PCSK5: variants seen among roughly 807,000 people sequenced by gnomAD.
PCSK5 encodes the protein proprotein convertase subtilisin/kexin type 5.
A neutral mutation model predicts 233.2 loss-of-function variants in PCSK5; 129 were observed. That is an observed-to-expected ratio of 0.55 (90% confidence interval 0.48 to 0.64). The LOEUF (loss-of-function observed/expected upper bound fraction) is 0.64, where lower values mean the gene tolerates loss of function less well. Ranked by LOEUF, PCSK5 falls within the 30% of genes least tolerant of loss-of-function variation. The probability of loss-of-function intolerance (pLI) is 0.00; values close to 1 mark genes in which losing one functional copy is unlikely to be tolerated. For missense variants in PCSK5, 2,076 were observed against 2,430.1 expected (o/e 0.85, Z 3.06); for synonymous variants, 825 against 879.2 (o/e 0.94, Z 1.09).
chr9:76,354,089 A>AG lies in PCSK5; in HGVS notation c.5128dup (p.Ala1710GlyfsTer28). The AG allele has an allele frequency of 6.2e-7, 1 of 1,609,148 alleles. No individual in the cohort carries two copies. Among genetic ancestry groups the AG allele is most frequent in the East Asian group, 2.2e-5 (1 of 44,778 alleles). Reference sequence around the variant, plus strand: ...AGAGCTGCATGGAATGCAAGGGACCAGGGGCCAAGAACTGCACCTTGTGCC... The same window carrying AG: ...AGAGCTGCATGGAATGCAAGGGACCAGGGGGCCAAGAACTGCACCTTGTGCC... On this transcript the variant is annotated frameshift_variant, in exon 37 of 38. Coordinates refer to ENST00000674117, the MANE Select transcript of PCSK5 (RefSeq NM_001372043.1). LOFTEE classifies it high-confidence loss of function.
chr9:76,359,053 AC>A lies in PCSK5; in HGVS notation c.*133del. On this transcript the variant is annotated 3_prime_UTR_variant, in exon 38 of 38. Coordinates refer to ENST00000674117, the MANE Select transcript of PCSK5 (RefSeq NM_001372043.1). ...TTTGTCTTCTTTAACCATGAGTCCA[AC>A]CAGAATATGTAAGAATGATGAAATA... 1 of 673,940 alleles carries A rather than the reference AC, an allele frequency of 1.5e-6. No individual in the cohort carries two copies. Among genetic ancestry groups the A allele is most frequent in the Non-Finnish European group, 2.5e-6 (1 of 396,456 alleles). The allele number at this position is 673,940 out of a possible 1,614,324, so 41.7% of individuals were successfully genotyped here.
intron 7 of PCSK5, among the ~76,000 whole-genome samples, chr9:76,074,418 G>C (rs1484262406): frequency 1.3e-5 from 2 of 152,146 alleles, no homozygotes; most frequent in East Asian, 3.8e-4. Context: ...AGTAACAAAA[G>C]AAATAACTAT....
chr9:76,351,540 A>AAG lies in PCSK5; in HGVS notation c.5067+612_5067+613insAG, dbSNP rs1564197014. ...AGAAAGAAAGAAAGAAAGGAAGGAA[A>AAG]GAAAGAGAAAGAAGAGAGAGAGAGA... On this transcript the variant is annotated intron_variant, in intron 36 of 37. Transcript: ENST00000674117. Among the ~76,000 whole-genome samples the AAG allele has an allele frequency of 1.0e-4, 10 of 96,740 alleles. 1 individual carries two copies. Among genetic ancestry groups the AAG allele is most frequent in the Non-Finnish European group, 1.4e-4 (6 of 42,860 alleles). 63.5% of individuals were successfully genotyped at this position (96,740 alleles called of 152,430 possible).
chr9:76,007,258 G>A (rs571759128), intron 3 of PCSK5, among the ~76,000 whole-genome samples: 11 of 152,186 alleles, frequency 7.2e-5, no homozygotes, highest in African/African-American at 2.6e-4. Flanking sequence ...TTCTATTTCA[G>A]TGTGTTTCAC....
In PCSK5 at chr9:76,174,275, T is replaced by C. The variant is rs1030191029; in HGVS notation, c.1757-711T>C. Among the ~76,000 whole-genome samples the C allele has an allele frequency of 9.9e-5, 15 of 152,248 alleles. No individual in the cohort carries two copies. The East Asian group carries it at 2.5e-3, about 25-fold the overall frequency. On this transcript the variant is annotated intron_variant, in intron 13 of 37. Coordinates refer to ENST00000674117, the MANE Select transcript of PCSK5 (RefSeq NM_001372043.1). ...AGGGAGAACAAAGAGTTGTTCTGTC[T>C]ACTTATTAACAAGTCAGATAATGCC...
intron 9 of PCSK5, among the ~76,000 whole-genome samples, chr9:76,109,844 A>G (rs1252450224): frequency 1.3e-5 from 2 of 152,224 alleles, no homozygotes; most frequent in Non-Finnish European, 2.9e-5. Context: ...ACGTGTGAGT[A>G]CTAAAAGGGT....
intron 20 of PCSK5, among the ~76,000 whole-genome samples, chr9:76,222,830 G>A (rs921239918): frequency 2.6e-5 from 4 of 151,750 alleles, no homozygotes; most frequent in Non-Finnish European, 5.9e-5. Flanking sequence ...TGAAAGTGTT[G>A]CTGAGTATTT....
chr9:76,027,883 A>C (rs543965813), intron 5 of PCSK5, among the ~76,000 whole-genome samples: 6 of 152,304 alleles, frequency 3.9e-5, no homozygotes, highest in African/African-American at 1.4e-4. Flanking sequence ...CATAACATGC[A>C]CTGAAGTTGC....
intron 10 of PCSK5, among the ~76,000 whole-genome samples, chr9:76,146,396 G>A (rs1410337539): frequency 6.6e-6 from 1 of 151,936 alleles, no homozygotes; most frequent in Non-Finnish European, 1.5e-5. Context: ...CACACTCACA[G>A]AAAATCCCTG....
At chr9:76,073,859 C>T (rs1055018274) in intron 7 of PCSK5, among the ~76,000 whole-genome samples, 9 of 152,016 alleles carry the variant, frequency 5.9e-5, no homozygotes, top group African/African-American at 2.2e-4. Context: ...CAGTGGAAAT[C>T]TTAACTGGAA....
intron 1 of PCSK5, among the ~76,000 whole-genome samples, chr9:75,919,675 A>G (rs1373480074): frequency 1.3e-5 from 2 of 152,334 alleles, no homozygotes; most frequent in East Asian, 1.9e-4. Context: ...CAACAAGCCA[A>G]TAGCTGCCAA....
At chr9:76,203,551 G>A (rs1311411533) in intron 20 of PCSK5, among the ~76,000 whole-genome samples, 10 of 151,814 alleles carry the variant, frequency 6.6e-5, no homozygotes, top group African/African-American at 9.7e-5. Flanking sequence ...GCCCACAGCC[G>A]AGGAACTTGC....
At chr9:75,948,351 C>G (rs944793941) in intron 2 of PCSK5, among the ~76,000 whole-genome samples, 1 of 141,870 alleles carries the variant, frequency 7.0e-6, no homozygotes, top group Non-Finnish European at 1.5e-5. Context: ...TGATGTTCCC[C>G]GCTCTGTGTC....
chr9:76,308,661 C>A lies in PCSK5; in HGVS notation c.3621C>A (p.Leu1207=). The A allele has an allele frequency of 6.2e-7, 1 of 1,605,032 alleles. No individual in the cohort carries two copies. The highest frequency in any genetic ancestry group is 8.5e-7 in the Non-Finnish European group (1 of 1,172,922). The change falls in exon 29 of 38, where the codon CTC becomes CTA. Residue 1207 remains leucine, a synonymous_variant. Coordinates refer to ENST00000674117, the MANE Select transcript of PCSK5 (RefSeq NM_001372043.1). Reference sequence around the variant, plus strand: ...CTCATACAGATATTTTGAGAAAACTCCAGCCTTGTCATTCTTCTTGTAAAA... The same window carrying A: ...CTCATACAGATATTTTGAGAAAACTACAGCCTTGTCATTCTTCTTGTAAAA... The part of the protein sequence containing the change: ...VQIKRDILRK[L]QPCHSSCKTC...
At chr9:75,962,669 T>G (rs571454876) in intron 2 of PCSK5, among the ~76,000 whole-genome samples, 5 of 152,140 alleles carry the variant, frequency 3.3e-5, no homozygotes, top group Non-Finnish European at 7.4e-5. Flanking sequence ...CAGCAGAGAT[T>G]TGGAAGCTGA....
chr9:76,292,133 T>A, intron 24 of PCSK5, 100 bp from the exon 25 acceptor site: 1 of 739,064 alleles, frequency 1.4e-6, no homozygotes. Flanking sequence ...CATGAAACTA[T>A]CCCACAGGAT....
At chr9:76,033,252 G>GA (rs576461209) in intron 5 of PCSK5, among the ~76,000 whole-genome samples, 3 of 152,026 alleles carry the variant, frequency 2.0e-5, no homozygotes, top group South Asian at 2.1e-4. Flanking sequence ...AGTACTAGAG[G>GA]AAAAAAACAC....
chr9:76,289,495 A>ATG (rs1564159447), intron 24 of PCSK5, among the ~76,000 whole-genome samples: 20 of 128,962 alleles, frequency 1.6e-4, no homozygotes, highest in African/African-American at 5.6e-4. Flanking sequence ...ACACACACAC[A>ATG]CACACACACA....
intron 15 of PCSK5, among the ~76,000 whole-genome samples, chr9:76,180,843 T>G (rs1427123829): frequency 6.6e-6 from 1 of 152,174 alleles, no homozygotes; most frequent in Non-Finnish European, 1.5e-5. Context: ...AGTAAATATT[T>G]GTTGAATGGA....
Sources: gnomAD v4.1 joint callset for allele counts (sites outside exome capture counted in the v4.1 genomes callset) on GRCh38, gnomAD v4.1.1 for gene constraint, MANE v1.5 for transcripts, NCBI Gene and HGNC (gene_info 2026-07-23, HGNC 2026-07-21) for gene names.